AKAP6: variants seen among roughly 807,000 people sequenced by gnomAD.
AKAP6 encodes the protein A-kinase anchor protein 6.
AKAP6 carries 58 observed loss-of-function variants against 188.5 expected under a neutral mutation model. The ratio of observed to expected loss-of-function variants is 0.31; its 90% CI spans 0.25 to 0.38. The LOEUF (loss-of-function observed/expected upper bound fraction) is 0.38, where lower values mean the gene tolerates loss of function less well. Among genes scored for constraint, AKAP6 ranks in the 10% least tolerant of loss-of-function variants. The pLI, the probability that AKAP6 is intolerant of heterozygous loss-of-function variation, is 1.00. For synonymous variants in AKAP6, 989 were observed against 998.6 expected (o/e 0.99, Z 0.18); for missense variants, 2,710 against 2,740.0 (o/e 0.99, Z 0.24).
chr14:32,573,471 A>G (rs1169824772), intron 4 of AKAP6, among the ~76,000 whole-genome samples: 2 of 152,172 alleles, frequency 1.3e-5, no homozygotes, highest in African/African-American at 4.8e-5. Context: ...TAATTTCACA[A>G]TATCCAGAAG....
At chr14:32,725,063 G>T (rs948161696) in intron 9 of AKAP6, among the ~76,000 whole-genome samples, 7 of 139,340 alleles carry the variant, frequency 5.0e-5, no homozygotes, top group Non-Finnish European at 1.5e-5. Context: ...GTTCAGTGTG[G>T]GTTTTTATTT....
intron 7 of AKAP6, among the ~76,000 whole-genome samples, chr14:32,619,780 A>G (rs114798942): frequency 0.021 from 3,185 of 152,288 alleles, 101 homozygotes; most frequent in African/African-American, 0.07. Flanking sequence ...CATTTTCACA[A>G]TATTGATTCT....
At chr14:32,544,363 A>G (rs1016413982) in intron 3 of AKAP6, among the ~76,000 whole-genome samples, 9 of 152,232 alleles carry the variant, frequency 5.9e-5, no homozygotes, top group African/African-American at 2.2e-4. Flanking sequence ...CATTTGTTGT[A>G]TGAAATCAGA....
At chr14:32,523,872 A>G (rs1881988607) in intron 2 of AKAP6, among the ~76,000 whole-genome samples, 1 of 151,762 alleles carries the variant, frequency 6.6e-6, no homozygotes, top group South Asian at 2.1e-4. Context: ...AGGCCTCAGG[A>G]TCCAGATGCC....
chr14:32,565,469 C>T (rs1884144305), intron 4 of AKAP6, among the ~76,000 whole-genome samples: 1 of 152,178 alleles, frequency 6.6e-6, no homozygotes, highest in East Asian at 1.9e-4. Flanking sequence ...TGAGTACTCT[C>T]TATAACCTAG....
chr14:32,445,223 C>T (rs1890718295), intron 2 of AKAP6, among the ~76,000 whole-genome samples: 1 of 152,126 alleles, frequency 6.6e-6, no homozygotes, highest in Non-Finnish European at 1.5e-5. Context: ...AATATGGTTT[C>T]TTCTCTGTCT....
chr14:32,478,890 C>G (rs1879201569), intron 2 of AKAP6, among the ~76,000 whole-genome samples: 1 of 152,092 alleles, frequency 6.6e-6, no homozygotes, highest in South Asian at 2.1e-4. Context: ...ACTGTGTCCC[C>G]CCTTTGACTC....
chr14:32,802,410 A>C (rs1437708856), intron 12 of AKAP6, among the ~76,000 whole-genome samples: 1 of 152,236 alleles, frequency 6.6e-6, no homozygotes, highest in African/African-American at 2.4e-5. Flanking sequence ...CAAAGTAATA[A>C]ATACAAAAGG....
At chr14:32,583,587 A>G (rs992344680) in intron 5 of AKAP6, among the ~76,000 whole-genome samples, 17 of 152,202 alleles carry the variant, frequency 1.1e-4, no homozygotes, top group African/African-American at 4.1e-4. Flanking sequence ...GGTGGAGCCT[A>G]CAGAGGCAGG....
At chr14:32,643,538 C>T (rs952102542) in intron 7 of AKAP6, among the ~76,000 whole-genome samples, 2 of 152,052 alleles carry the variant, frequency 1.3e-5, no homozygotes, top group African/African-American at 4.8e-5. Context: ...GAACTCCTGA[C>T]CTTGTGATCT....
intron 2 of AKAP6, among the ~76,000 whole-genome samples, chr14:32,435,567 C>T (rs1481878343): frequency 2.0e-5 from 3 of 152,198 alleles, no homozygotes; most frequent in African/African-American, 7.2e-5. Flanking sequence ...GTATTTCACA[C>T]CCACCTCCAT....
intron 4 of AKAP6, among the ~76,000 whole-genome samples, chr14:32,550,553 C>T (rs527518192): frequency 3.9e-5 from 6 of 152,288 alleles, no homozygotes; most frequent in South Asian, 2.1e-4. Flanking sequence ...TGATATGCAG[C>T]GCTCTCCCGC....
chr14:32,649,120 C>T (rs564801171), intron 7 of AKAP6, among the ~76,000 whole-genome samples: 1 of 152,202 alleles, frequency 6.6e-6, no homozygotes, highest in Admixed American at 6.5e-5. Context: ...TAATTTAATT[C>T]TCTGTCTTCT....
intron 11 of AKAP6, among the ~76,000 whole-genome samples, chr14:32,743,809 T>G (rs1323701672): frequency 6.6e-6 from 1 of 152,212 alleles, no homozygotes; most frequent in African/African-American, 2.4e-5. Flanking sequence ...ATATGAGTAG[T>G]TTACATACCA....
chr14:32,504,306 G>C (rs752076151), intron 2 of AKAP6, among the ~76,000 whole-genome samples: 15 of 151,952 alleles, frequency 9.9e-5, no homozygotes, highest in Middle Eastern at 3.4e-3. Flanking sequence ...TTTGATATAG[G>C]GTCTTGCCCT....
intron 7 of AKAP6, among the ~76,000 whole-genome samples, chr14:32,666,490 A>G (rs1888940969): frequency 6.6e-6 from 1 of 151,944 alleles, no homozygotes; most frequent in Non-Finnish European, 1.5e-5. Flanking sequence ...TTCCCCTCTC[A>G]CAAAAATGAA....
rs114969741 is a variant in AKAP6, at chr14:32,710,598, C to T, written c.3000+14488C>T. 6.7e-3 allele frequency among the ~76,000 whole-genome samples: 1,018 copies of T among 151,972 alleles called. 6 individuals carry two copies. Among genetic ancestry groups the T allele is most frequent in the African/African-American group, 0.021 (879 of 41,472 alleles). On this transcript the variant is annotated intron_variant, in intron 9 of 13. Transcript: ENST00000280979. The stretch of plus-strand genomic sequence containing the variant: ...GAGGGAGGTTGAGAACAAGGGTGCG[C>T]AATCACAGACGAAAAAAAACAGCCA...
chr14:32,372,655 C>A (rs536255642), intron 1 of AKAP6, among the ~76,000 whole-genome samples: 1 of 151,142 alleles, frequency 6.6e-6, no homozygotes, highest in African/African-American at 2.4e-5. Context: ...TATTAATTGG[C>A]AAGAATTTTT....
intron 2 of AKAP6, among the ~76,000 whole-genome samples, chr14:32,519,551 C>G (rs1205863232): frequency 1.3e-5 from 2 of 152,086 alleles, no homozygotes; most frequent in African/African-American, 2.4e-5. Context: ...CAATCTTAGT[C>G]TCTGATAAAA....
Sources: gnomAD v4.1 joint callset for allele counts (sites outside exome capture counted in the v4.1 genomes callset) on GRCh38, gnomAD v4.1.1 for gene constraint, MANE v1.5 for transcripts, NCBI Gene and HGNC (gene_info 2026-07-23, HGNC 2026-07-21) for gene names.